The following MKNK1 variants were observed in gnomAD, a reference collection of about 807,000 sequenced individuals.
The protein encoded by MKNK1 is MAP kinase-interacting serine/threonine-protein kinase 1.
Under a neutral mutation model 49.3 loss-of-function variants are expected in MKNK1, and 30 were observed. The ratio of observed to expected loss-of-function variants is 0.61; its 90% CI spans 0.46 to 0.83. The LOEUF (loss-of-function observed/expected upper bound fraction) is 0.83. Ranked by LOEUF, MKNK1 falls within the 40% of genes least tolerant of loss-of-function variation. The pLI is 0.00. For missense variants in MKNK1, 423 were observed against 524.7 expected, an observed-to-expected ratio of 0.81 and a Z score of 1.89; for synonymous variants, 176 against 201.7, an observed-to-expected ratio of 0.87 and a Z score of 1.08.
intron 6 of MKNK1, among the ~76,000 whole-genome samples, chr1:46,572,815 G>C (rs1201372310): frequency 6.6e-6 from 1 of 152,056 alleles, no homozygotes; most frequent in Non-Finnish European, 1.5e-5. Flanking sequence ...TGGAGCTGAG[G>C]GGGCCTTTCT....
At chr1:46,586,987 T>C (rs1041647753) in intron 2 of MKNK1, among the ~76,000 whole-genome samples, 4 of 152,202 alleles carry the variant, frequency 2.6e-5, no homozygotes, top group Admixed American at 2.6e-4. Flanking sequence ...TTTTGTACTT[T>C]TTAGTAGAGA....
At position 46,583,223 on chromosome 1, in the gene MKNK1, C is replaced by T. The variant is rs779136715; in HGVS notation, c.100+5G>A. 3 of 1,613,050 alleles carry T rather than the reference C, an allele frequency of 1.9e-6. No homozygotes were observed. The highest frequency in any genetic ancestry group is 2.5e-6 in the Non-Finnish European group (3 of 1,179,440). On this transcript the variant is annotated splice_donor_5th_base_variant and intron_variant, in intron 3 of 12. Transcript: ENST00000371945. ...GCCCAGATATAGGGAAGTTGTGTGA[C>T]CAACCTTCAAACTTTCCTGGCAAGG...
chr1:46,569,915 G>A (rs1669797386), intron 7 of MKNK1: 1 of 152,234 alleles, frequency 6.6e-6, no homozygotes, highest in African/African-American at 2.4e-5. Context: ...AGAGAGCCAG[G>A]CTGTAATAAT....
rs1380537762 is a variant in MKNK1 at position 46,558,635 on chromosome 1, C to A, written c.1179G>T (p.Arg393=). 6.2e-7 allele frequency: 1 copy of A among 1,614,080 alleles called. No homozygotes were observed. The highest frequency in any genetic ancestry group is 8.5e-7 in the Non-Finnish European group (1 of 1,180,002). The change falls in exon 13 of 13, where the codon CGG becomes CGT. Residue 393 remains arginine (R), a synonymous_variant. Coordinates refer to ENST00000371945, the MANE Select transcript of MKNK1 (RefSeq NM_001135553.4). The part of the protein sequence containing the change: ...LSPPCKSRLA[R]RRALAQAGRG... ...GGCCTGCCTGGGCCAGGGCCCGTCT[C>A]CGGGCCAGGCGTGACTTGCAGGGAG...
At chr1:46,604,023 G>C (rs1675078138) in intron 1 of MKNK1, 162 bp downstream of exon 1, 1 of 143,390 alleles carries the variant, frequency 7.0e-6, no homozygotes, top group Non-Finnish European at 1.5e-5. Context: ...GCTCGGGACA[G>C]TCCTGAAAAG....
chr1:46,571,642 CAG>C (rs1670163903), intron 7 of MKNK1: 1 of 352,554 alleles, frequency 2.8e-6, no homozygotes, highest in South Asian at 2.2e-5. Context: ...TGAAAAGAGA[CAG>C]AGGTGATGTA....
chr1:46,586,772 C>T (rs941913167), intron 2 of MKNK1, among the ~76,000 whole-genome samples: 7 of 152,036 alleles, frequency 4.6e-5, no homozygotes, highest in African/African-American at 1.7e-4. Flanking sequence ...AACTCCCTTT[C>T]GAAAAAGGGT....
chr1:46,588,204 A>G (rs1203622287), intron 2 of MKNK1, among the ~76,000 whole-genome samples: 1 of 152,212 alleles, frequency 6.6e-6, no homozygotes, highest in Non-Finnish European at 1.5e-5. Flanking sequence ...AGTTTTCTCT[A>G]TGTGATGGGG....
At chr1:46,578,083 C>G (rs1354532952) in intron 4 of MKNK1, among the ~76,000 whole-genome samples, 1 of 152,172 alleles carries the variant, frequency 6.6e-6, no homozygotes, top group African/African-American at 2.4e-5. Context: ...ACTTCATTCC[C>G]CAAGCATTTC....
At chr1:46,582,679 TC>T (rs1671923012) in intron 3 of MKNK1, 1 of 359,144 alleles carries the variant, frequency 2.8e-6, no homozygotes, top group Admixed American at 3.6e-5. Context: ...GCCTAGTGCC[TC>T]GCACACAGAG....
chr1:46,565,890 G>A (rs1451910448), intron 8 of MKNK1, among the ~76,000 whole-genome samples: 1 of 152,074 alleles, frequency 6.6e-6, no homozygotes, highest in African/African-American at 2.4e-5. Flanking sequence ...CAAGTCCCTC[G>A]ACTTCTTTCT....
intron 2 of MKNK1, among the ~76,000 whole-genome samples, chr1:46,587,256 C>T (rs567093852): frequency 6.6e-6 from 1 of 152,340 alleles, no homozygotes; most frequent in South Asian, 2.1e-4. Context: ...CCGCTGCCTC[C>T]AGCCCTTGCC....
chr1:46,568,267 A>C, intron 8 of MKNK1, 176 bp downstream of exon 8: 1 of 621,176 alleles, frequency 1.6e-6, no homozygotes, highest in Non-Finnish European at 2.9e-6. Flanking sequence ...AAGAGCGAAG[A>C]AAGGACGAGG....
intron 8 of MKNK1, chr1:46,568,231 G>T: frequency 1.8e-6 from 1 of 560,234 alleles, no homozygotes; most frequent in East Asian, 3.1e-5. Flanking sequence ...CAAACTCTCA[G>T]GCTTACATCA....
intron 3 of MKNK1, among the ~76,000 whole-genome samples, chr1:46,582,307 A>G (rs371528523): frequency 3.3e-5 from 5 of 152,230 alleles, no homozygotes; most frequent in African/African-American, 7.2e-5. Flanking sequence ...TCAGTTGTTT[A>G]TAAGAGCAGA....
intron 9 of MKNK1, among the ~76,000 whole-genome samples, chr1:46,564,121 A>T (rs917348530): frequency 3.3e-5 from 5 of 151,716 alleles, no homozygotes; most frequent in African/African-American, 7.3e-5. Flanking sequence ...AATCATAATT[A>T]TACTCTATTA....
chr1:46,563,396 G>T (rs1668395461), intron 9 of MKNK1: 1 of 152,432 alleles, frequency 6.6e-6, no homozygotes, highest in South Asian at 2.1e-4. Context: ...ATCTGTTTGA[G>T]CACATCAATG....
intron 8 of MKNK1, among the ~76,000 whole-genome samples, chr1:46,566,951 T>C (rs1026203601): frequency 6.6e-5 from 10 of 152,228 alleles, no homozygotes; most frequent in Non-Finnish European, 2.9e-5. Context: ...ACTTTCTTGA[T>C]AGATAATGTC....
At position 46,558,104 on chromosome 1, in the gene MKNK1, AGAGGACATCCG is replaced by A. The variant is rs1356353906; in HGVS notation, c.*460_*470del. ...CTCAGCCAAGGGAGAAGACGGGCAA[AGAGGACATCCG>A]GAGGACAGAGGAAGGTGGAAGGACC... On this transcript the variant is annotated 3_prime_UTR_variant, in exon 13 of 13. Coordinates refer to ENST00000371945, the MANE Select transcript of MKNK1 (RefSeq NM_001135553.4). 1 of 156,982 alleles carries A rather than the reference AGAGGACATCCG, an allele frequency of 6.4e-6. No homozygotes were observed. Among genetic ancestry groups the A allele is most frequent in the African/African-American group, 2.4e-5 (1 of 41,542 alleles). 9.7% of individuals were successfully genotyped at this position (156,982 alleles called of 1,614,324 possible).
Sources: allele counts gnomAD v4.1 joint callset (sites outside exome capture counted in the v4.1 genomes callset), GRCh38; gene constraint gnomAD v4.1.1; transcripts MANE v1.5; gene names NCBI Gene and HGNC (gene_info 2026-07-23, HGNC 2026-07-21).